The following ARHGAP15 variants were observed in gnomAD, a reference collection of about 807,000 sequenced individuals.
ARHGAP15 encodes Rho GTPase activating protein 15.
ARHGAP15 carries 51 observed loss-of-function variants against 63.7 expected under a neutral mutation model. The observed-to-expected ratio is 0.80, with a 90% CI of 0.64 to 1.01. ARHGAP15 has a LOEUF of 1.01. Ranked by LOEUF, ARHGAP15 falls within the 50% of genes least tolerant of loss-of-function variation. The pLI is 0.00. For synonymous variants in ARHGAP15, 191 were observed against 193.8 expected (o/e 0.99, Z 0.12); for missense variants, 560 against 564.6 (o/e 0.99, Z 0.08).
At chr2:143,131,394 A>G (rs1688910788) in intron 1 of ARHGAP15, among the ~76,000 whole-genome samples, 2 of 152,214 alleles carry the variant, frequency 1.3e-5, no homozygotes, top group Admixed American at 1.3e-4. Context: ...TTATTTGGAA[A>G]GTCATATTAA....
At chr2:143,511,359 C>T (rs555845883) in intron 9 of ARHGAP15, among the ~76,000 whole-genome samples, 4 of 152,036 alleles carry the variant, frequency 2.6e-5, no homozygotes, top group South Asian at 4.1e-4. Context: ...AGTGCTGAAA[C>T]GGTGGGATGA....
At chr2:143,485,711 C>G (rs747384467) in intron 8 of ARHGAP15, among the ~76,000 whole-genome samples, 1 of 152,116 alleles carries the variant, frequency 6.6e-6, no homozygotes, top group Non-Finnish European at 1.5e-5. Context: ...TGGGTACACA[C>G]CACGGATGCT....
intron 11 of ARHGAP15, among the ~76,000 whole-genome samples, chr2:143,583,884 C>G (rs1697005322): frequency 6.6e-6 from 1 of 152,106 alleles, no homozygotes; most frequent in South Asian, 2.1e-4. Context: ...TTAAGAAAAC[C>G]AGTTTCCTCT....
At chr2:143,478,705 A>G (rs1045444370) in intron 8 of ARHGAP15, among the ~76,000 whole-genome samples, 3 of 144,424 alleles carry the variant, frequency 2.1e-5, no homozygotes, top group Non-Finnish European at 4.7e-5. Flanking sequence ...ATTAGTCATT[A>G]TTATAAATAT....
intron 11 of ARHGAP15, among the ~76,000 whole-genome samples, chr2:143,611,275 C>T (rs1348233949): frequency 6.6e-6 from 1 of 151,994 alleles, no homozygotes; most frequent in Non-Finnish European, 1.5e-5. Context: ...ACACTTTTTC[C>T]CTTCTTGCTC....
At chr2:143,303,392 A>C (rs937622734) in intron 6 of ARHGAP15, among the ~76,000 whole-genome samples, 5 of 151,922 alleles carry the variant, frequency 3.3e-5, no homozygotes, top group Non-Finnish European at 7.4e-5. Flanking sequence ...TGGCCAAAAA[A>C]TATATGAAAC....
At chr2:143,439,930 T>C (rs891029385) in intron 8 of ARHGAP15, among the ~76,000 whole-genome samples, 7 of 152,166 alleles carry the variant, frequency 4.6e-5, no homozygotes, top group Non-Finnish European at 1.0e-4. Flanking sequence ...ACTGGGTGTT[T>C]TCTTTCAATT....
At chr2:143,352,156 C>CT in intron 6 of ARHGAP15, among the ~76,000 whole-genome samples, 1 of 152,232 alleles carries the variant, frequency 6.6e-6, no homozygotes, top group Non-Finnish European at 1.5e-5. Flanking sequence ...CCCCCCATTG[C>CT]TTTTGGCAAA....
intron 13 of ARHGAP15, among the ~76,000 whole-genome samples, chr2:143,709,880 G>A (rs1474488416): frequency 6.6e-6 from 1 of 152,194 alleles, no homozygotes; most frequent in African/African-American, 2.4e-5. Flanking sequence ...CTTAAAGAAT[G>A]GACTTCAAAG....
At chr2:143,485,035 G>A (rs1692261620) in intron 8 of ARHGAP15, among the ~76,000 whole-genome samples, 1 of 152,130 alleles carries the variant, frequency 6.6e-6, no homozygotes, top group Non-Finnish European at 1.5e-5. Context: ...GAGGACATCT[G>A]TTAACTCTCA....
intron 6 of ARHGAP15, among the ~76,000 whole-genome samples, chr2:143,264,570 T>C (rs1680898398): frequency 6.6e-6 from 1 of 152,058 alleles, no homozygotes; most frequent in Admixed American, 6.6e-5. Flanking sequence ...ACTCCTATTG[T>C]CCAATCTACT....
At chr2:143,285,348 T>C (rs1179166845) in intron 6 of ARHGAP15, among the ~76,000 whole-genome samples, 2 of 152,096 alleles carry the variant, frequency 1.3e-5, no homozygotes, top group Non-Finnish European at 2.9e-5. Flanking sequence ...CATTAAGATA[T>C]ATAAACACTC....
At chr2:143,698,712 G>A (rs192629787) in intron 12 of ARHGAP15, among the ~76,000 whole-genome samples, 43 of 152,110 alleles carry the variant, frequency 2.8e-4, no homozygotes, top group Non-Finnish European at 3.7e-4. Context: ...CTAAAATGGA[G>A]GTATTTCATG....
intron 6 of ARHGAP15, among the ~76,000 whole-genome samples, chr2:143,387,053 A>G (rs1245475753): frequency 4.6e-5 from 7 of 152,136 alleles, no homozygotes. Context: ...ATTGGGTACT[A>G]GGCTTAGTAC....
intron 11 of ARHGAP15, among the ~76,000 whole-genome samples, chr2:143,565,028 C>T (rs983701325): frequency 1.3e-4 from 20 of 152,062 alleles, no homozygotes; most frequent in Non-Finnish European, 2.5e-4. Flanking sequence ...TAAAAGTTTT[C>T]GAGGTAGATA....
intron 6 of ARHGAP15, among the ~76,000 whole-genome samples, chr2:143,413,966 T>TGCGCGCGCGCGCGCGC (rs1553476592): frequency 3.1e-4 from 36 of 117,916 alleles, no homozygotes; most frequent in African/African-American, 1.2e-3. Flanking sequence ...TGTGTGTGTG[T>TGCGCGCGCGCGCGCGC]GCGCGCTCTC....
At chr2:143,340,700 G>C (rs1403141306) in intron 6 of ARHGAP15, among the ~76,000 whole-genome samples, 1 of 151,978 alleles carries the variant, frequency 6.6e-6, no homozygotes, top group East Asian at 1.9e-4. Context: ...CATAACAAAG[G>C]CCACCAATAG....
intron 11 of ARHGAP15, among the ~76,000 whole-genome samples, chr2:143,589,846 A>C (rs571803068): frequency 1.9e-4 from 29 of 152,356 alleles, no homozygotes; most frequent in Admixed American, 1.8e-3. Flanking sequence ...CTGTTAAAAA[A>C]TTAAAATTAA....
intron 12 of ARHGAP15, among the ~76,000 whole-genome samples, chr2:143,658,849 T>C (rs1681594838): frequency 6.6e-6 from 1 of 152,212 alleles, no homozygotes; most frequent in African/African-American, 2.4e-5. Context: ...TTTCTTAATA[T>C]AGCTAGGAAA....
Sources: gnomAD v4.1 joint callset for allele counts (sites outside exome capture counted in the v4.1 genomes callset) on GRCh38, gnomAD v4.1.1 for gene constraint, MANE v1.5 for transcripts, NCBI Gene and HGNC (gene_info 2026-07-23, HGNC 2026-07-21) for gene names.